Variants in KLHL31 observed in about 807,000 individuals in gnomAD.
KLHL31 encodes the protein kelch like family member 31.
KLHL31 carries 32 observed loss-of-function variants against 47.1 expected under a neutral mutation model. The ratio of observed to expected loss-of-function variants is 0.68; its 90% CI spans 0.51 to 0.91. KLHL31 has a LOEUF of 0.91. KLHL31 is among the 40% of genes least tolerant of loss of function. The probability of loss-of-function intolerance (pLI) is 0.00; values close to 1 mark genes in which losing one functional copy is unlikely to be tolerated. For synonymous variants in KLHL31, 330 were observed against 325.1 expected (o/e 1.01, Z -0.16); for missense variants, 797 against 819.3 (o/e 0.97, Z 0.33).
chr6:53,656,964 A>G (rs924273291), intron 1 of KLHL31, among the ~76,000 whole-genome samples: 5 of 96,008 alleles, frequency 5.2e-5, no homozygotes, highest in African/African-American at 2.0e-4. Context: ...ATCGGGTCTC[A>G]TTCTATCACC....
chr6:53,663,582 A>G (rs912338000), intron 1 of KLHL31, among the ~76,000 whole-genome samples: 2 of 152,244 alleles, frequency 1.3e-5, no homozygotes, highest in Non-Finnish European at 2.9e-5. Flanking sequence ...TCAATCTCAT[A>G]TGGTTCAACT....
At chr6:53,660,569 T>C (rs1242209986) in intron 1 of KLHL31, among the ~76,000 whole-genome samples, 1 of 152,196 alleles carries the variant, frequency 6.6e-6, no homozygotes, top group East Asian at 1.9e-4. Context: ...ATCCCAGCAC[T>C]TTGGGAGGCC....
chr6:53,661,393 G>A (rs1175731342), intron 1 of KLHL31, among the ~76,000 whole-genome samples: 1 of 152,064 alleles, frequency 6.6e-6, no homozygotes, highest in Admixed American at 6.5e-5. Flanking sequence ...ACATCACACT[G>A]GGTGCAAACA....
At position 53,655,059 on chromosome 6, in the gene KLHL31, G is replaced by A. The variant is rs12210809; in HGVS notation, c.214C>T (p.Leu72=). 0.58 allele frequency: 940,850 copies of A among 1,613,758 alleles called. 279,380 individuals are homozygous for A. The highest frequency in any genetic ancestry group is 0.64 in the Admixed American group (38,484 of 59,996). The change falls in exon 2 of 3, where the codon CTA becomes TTA. Residue 72 remains leucine, a synonymous_variant. Coordinates refer to ENST00000370905, the MANE Select transcript of KLHL31 (RefSeq NM_001003760.5). ...TTGGTACCAATGACTAAGTCACATA[G>A]GAAGTTCTCCTGCCGCATTTTACTT... ...GLSKMRQENF[L]CDLVIGTKTK...
intron 1 of KLHL31, among the ~76,000 whole-genome samples, chr6:53,656,120 T>C (rs4236110): frequency 0.9 from 137,172 of 152,268 alleles, 61,881 homozygotes; most frequent in East Asian, 1. Context: ...AAGAGATATA[T>C]ATACTTGACT....
intron 1 of KLHL31, among the ~76,000 whole-genome samples, chr6:53,665,131 C>A (rs1764700750): frequency 6.6e-6 from 1 of 151,286 alleles, no homozygotes; most frequent in Non-Finnish European, 1.5e-5. Context: ...TTTTGTGCTA[C>A]AGATTTAGTT....
intron 1 of KLHL31, among the ~76,000 whole-genome samples, chr6:53,657,869 T>G (rs1764587220): frequency 6.6e-6 from 1 of 151,666 alleles, no homozygotes; most frequent in Non-Finnish European, 1.5e-5. Context: ...TTTTCCTCTT[T>G]AAGCTCCAAT....
At chr6:53,658,012 C>T (rs775083558) in intron 1 of KLHL31, among the ~76,000 whole-genome samples, 3 of 152,188 alleles carry the variant, frequency 2.0e-5, no homozygotes, top group Non-Finnish European at 4.4e-5. Context: ...CATTTTAATG[C>T]TCAAATGCAT....
In KLHL31 at chr6:53,655,051, G is replaced by A. The variant is rs1308528103; in HGVS notation, c.222C>T (p.Asp74=). 10 of 1,614,102 alleles carry A rather than the reference G, an allele frequency of 6.2e-6. No individual in the cohort carries two copies. The highest frequency in any genetic ancestry group is 8.5e-6 in the Non-Finnish European group (10 of 1,180,012). The change falls in exon 2 of 3, where the codon GAC becomes GAT. Residue 74 remains aspartate (D), a synonymous_variant. Coordinates refer to ENST00000370905, the MANE Select transcript of KLHL31 (RefSeq NM_001003760.5). The part of the protein sequence containing the change: ...SKMRQENFLC[D]LVIGTKTKSF... ...ATTTGGTTTTGGTACCAATGACTAAGTCACATAGGAAGTTCTCCTGCCGCA... is the reference window on the plus strand; with the variant it reads ...ATTTGGTTTTGGTACCAATGACTAAATCACATAGGAAGTTCTCCTGCCGCA...
At chr6:53,660,533 G>C (rs1251236072) in intron 1 of KLHL31, among the ~76,000 whole-genome samples, 1 of 152,176 alleles carries the variant, frequency 6.6e-6, no homozygotes, top group South Asian at 2.1e-4. Context: ...TTGAAGTCAG[G>C]CTGGGTGCCA....
At position 53,652,039 on chromosome 6, in the gene KLHL31, C is replaced by A; in HGVS notation, c.1464G>T (p.Pro488=). ...AYSRSVCAYD[P]ASDSWQELPN... is the part of the protein sequence containing the mutation. ...GCAGCTCCTGCCACGAGTCGCTGGC[C>A]GGGTCGTAGGCGCACACAGAGCGCG... Residue 488 remains proline, a synonymous_variant, in exon 3 of 3, where the codon CCG becomes CCT. Coordinates refer to ENST00000370905, the MANE Select transcript of KLHL31 (RefSeq NM_001003760.5). The A allele has an allele frequency of 6.3e-7, 1 of 1,593,058 alleles. No individual in the cohort carries two copies. The highest frequency in any genetic ancestry group is 8.5e-7 in the Non-Finnish European group (1 of 1,175,604).
At chr6:53,662,816 A>G (rs1449312191) in intron 1 of KLHL31, among the ~76,000 whole-genome samples, 5 of 152,098 alleles carry the variant, frequency 3.3e-5, no homozygotes, top group Non-Finnish European at 7.4e-5. Context: ...CATCTTTTGT[A>G]TTTGCCAAAT....
intron 1 of KLHL31, among the ~76,000 whole-genome samples, chr6:53,664,242 T>A (rs1764687501): frequency 1.3e-5 from 2 of 152,240 alleles, no homozygotes; most frequent in African/African-American, 4.8e-5. Context: ...TCCCAGGCAG[T>A]GTTGAGGACA....
At position 53,654,486 on chromosome 6, in the gene KLHL31, T is replaced by C; in HGVS notation, c.787A>G (p.Ile263Val). Residue 263 changes from isoleucine to valine, a missense_variant, in exon 2 of 3, where the codon ATC (isoleucine) becomes GTC (valine). Physicochemically the swap from Ile to Val is conservative, Grantham distance 29. Coordinates refer to ENST00000370905, the MANE Select transcript of KLHL31 (RefSeq NM_001003760.5). ...TAATTGACCAGGTCTTGTGCAGAGA[T>C]GGTACCAAAGCGAATATTGCTCAAA... ...DLLSNIRFGT[I>V]SAQDLVNYVQ... is the part of the protein sequence containing the mutation. 2 of 1,614,206 alleles carry C rather than the reference T, an allele frequency of 1.2e-6. No individual in the cohort carries two copies. Among genetic ancestry groups the C allele is most frequent in the African/African-American group, 1.3e-5 (1 of 75,058 alleles).
chr6:53,655,532 A>C (rs986605085), intron 1 of KLHL31, among the ~76,000 whole-genome samples: 3 of 152,232 alleles, frequency 2.0e-5, no homozygotes, highest in African/African-American at 7.2e-5. Context: ...ATCAAATGAA[A>C]TCTCTCCATA....
chr6:53,656,315 G>A (rs563645928), intron 1 of KLHL31, among the ~76,000 whole-genome samples: 28 of 152,168 alleles, frequency 1.8e-4, no homozygotes, highest in African/African-American at 6.5e-4. Context: ...GAGGGAGTGA[G>A]TATAAAAGAA....
In KLHL31 at chr6:53,651,774, C is replaced by T. The variant is rs116517160; in HGVS notation, c.1729G>A (p.Glu577Lys). 1.5e-4 allele frequency: 240 copies of T among 1,613,966 alleles called. 1 individual carries two copies. In the African/African-American group the frequency reaches 2.8e-3, roughly 19 times the overall value. The part of the protein sequence containing the change: ...AYLVGGWNEG[E>K]KKYKKCIQCF... ...TGGATGCACTTCTTGTACTTCTTCT[C>T]GCCCTCGTTCCAGCCCCCCACCAGG... The change falls in exon 3 of 3, where the codon GAG (glutamate) becomes AAG (lysine). Residue 577 changes from glutamate (E) to lysine (K), a missense_variant. Coordinates refer to ENST00000370905, the MANE Select transcript of KLHL31 (RefSeq NM_001003760.5).
intron 2 of KLHL31, chr6:53,652,540 C>T (rs1051280909): frequency 1.8e-5 from 11 of 611,980 alleles, no homozygotes; most frequent in East Asian, 1.4e-4. Flanking sequence ...GACCACCCCT[C>T]GCCCCCGTTT....
At chr6:53,658,896 C>T (rs1398686530) in intron 1 of KLHL31, among the ~76,000 whole-genome samples, 3 of 151,962 alleles carry the variant, frequency 2.0e-5, no homozygotes, top group Non-Finnish European at 2.9e-5. Flanking sequence ...ACTTATCTAC[C>T]GTGTGACTTT....
Sources: allele counts gnomAD v4.1 joint callset (sites outside exome capture counted in the v4.1 genomes callset), GRCh38; gene constraint gnomAD v4.1.1; transcripts MANE v1.5; gene names NCBI Gene and HGNC (gene_info 2026-07-23, HGNC 2026-07-21).